POM121: variants seen among roughly 807,000 people sequenced by gnomAD.
POM121 encodes the protein POM121 transmembrane nucleoporin, also known as nuclear envelope pore membrane protein POM 121.
A neutral mutation model predicts 81.3 loss-of-function variants in POM121; 32 were observed. That is an observed-to-expected ratio of 0.39 (90% CI 0.30 to 0.53). The LOEUF is 0.53. Ranked by LOEUF, POM121 falls within the 20% of genes least tolerant of loss-of-function variation. The pLI is 0.66. For missense variants in POM121, 1,138 were observed against 1,614.6 expected, an observed-to-expected ratio of 0.70 and a Z score of 5.06; for synonymous variants, 514 against 694.2, an observed-to-expected ratio of 0.74 and a Z score of 4.08.
intron 6 of POM121, among the ~76,000 whole-genome samples, 166 bp from the exon 7 acceptor site, chr7:72,939,170 A>C (rs1796817430): frequency 6.6e-6 from 1 of 152,146 alleles, no homozygotes; most frequent in Non-Finnish European, 1.5e-5. Context: ...GCCTCCCTTC[A>C]TTCTGTTGGA....
intron 4 of POM121, among the ~76,000 whole-genome samples, chr7:72,928,853 A>C (rs1304036172): frequency 9.2e-5 from 14 of 152,378 alleles, no homozygotes; most frequent in Middle Eastern, 3.4e-3. Context: ...GCTCAAAAGT[A>C]TGTGTGGAAA....
chr7:72,949,681 A>C, downstream of POM121: 2 of 677,342 alleles, frequency 3.0e-6, no homozygotes, highest in South Asian at 3.4e-5. Flanking sequence ...TAAGGGATCC[A>C]CATCTCACAC....
chr7:72,917,246 C>T (rs2129576800), intron 4 of POM121, among the ~76,000 whole-genome samples: 1 of 152,280 alleles, frequency 6.6e-6, no homozygotes, highest in South Asian at 2.1e-4. Context: ...ATAGAGATTT[C>T]CTTGAATACT....
intron 3 of POM121, among the ~76,000 whole-genome samples, chr7:72,898,309 G>T (rs1318279322): frequency 6.6e-6 from 1 of 152,124 alleles, no homozygotes; most frequent in East Asian, 1.9e-4. Flanking sequence ...GCCCAGGCTG[G>T]TCTCAAACTC....
chr7:72,898,908 C>A (rs1323263912), intron 3 of POM121, among the ~76,000 whole-genome samples: 1 of 148,362 alleles, frequency 6.7e-6, no homozygotes, highest in Non-Finnish European at 1.5e-5. Context: ...CTCCGACTGG[C>A]GAGGGTGAGT....
chr7:72,888,246 CAGCTT>C (rs782208835), intron 1 of POM121, among the ~76,000 whole-genome samples: 3 of 152,144 alleles, frequency 2.0e-5, no homozygotes, highest in Non-Finnish European at 4.4e-5. Flanking sequence ...ACTGTAGTGT[CAGCTT>C]ATCTAGTTCC....
intron 3 of POM121, among the ~76,000 whole-genome samples, chr7:72,910,185 C>A (rs190263725): frequency 6.6e-6 from 1 of 152,118 alleles, no homozygotes; most frequent in African/African-American, 2.4e-5. Flanking sequence ...ATTTTCAATG[C>A]GAAAATAAAA....
At chr7:72,938,137 A>T (rs1796692728) in intron 5 of POM121, among the ~76,000 whole-genome samples, 1 of 152,012 alleles carries the variant, frequency 6.6e-6, no homozygotes, top group Non-Finnish European at 1.5e-5. Flanking sequence ...TTACTTTTAT[A>T]GACTTTTCTT....
chr7:72,892,036 C>T (rs539389752), intron 3 of POM121, among the ~76,000 whole-genome samples: 1 of 152,294 alleles, frequency 6.6e-6, no homozygotes, highest in South Asian at 2.1e-4. Flanking sequence ...GTTCATTTCC[C>T]CTTCCCCATA....
chr7:72,924,968 G>C (rs2129577646), upstream of POM121: 2 of 1,264,552 alleles, frequency 1.6e-6, no homozygotes, highest in African/African-American at 1.6e-5. Context: ...GTTAAAGGCA[G>C]GCGGCATTTT....
Position 72,879,521 on chromosome 7 carries a change from G to A in POM121, c.-885G>A, listed in dbSNP as rs1302624579. On this transcript the variant is annotated 5_prime_UTR_variant, in exon 1 of 16. Coordinates refer to the POM121 transcript ENST00000395270. ...GCGGCCCAGGGTTCGCGCGGGCCGG[G>A]TAGAGGCTCGAGCCGGGACCCCCGA... 2.7e-5 allele frequency: 7 copies of A among 258,250 alleles called. No individual in the cohort carries two copies. In the Admixed American group the frequency reaches 4.3e-4, roughly 16 times the overall value. The allele number at this position is 258,250 out of a possible 1,614,324, so 16.0% of individuals were successfully genotyped here. A position where few individuals can be genotyped will look rare whatever the true frequency, so the allele number is the denominator to read the frequency against.
At chr7:72,903,101 A>G (rs1473114293) in intron 3 of POM121, among the ~76,000 whole-genome samples, 3 of 152,060 alleles carry the variant, frequency 2.0e-5, no homozygotes, top group Non-Finnish European at 4.4e-5. Flanking sequence ...ATTCACATCT[A>G]TAATACCTTT....
At chr7:72,881,066 C>CTT (rs3973810) in intron 1 of POM121, among the ~76,000 whole-genome samples, 117 of 47,198 alleles carry the variant, frequency 2.5e-3, no homozygotes, top group Middle Eastern at 0.016. Flanking sequence ...CCCTATCACT[C>CTT]TTTTTTTTTT....
At chr7:72,906,754 C>G (rs1440619731) in intron 3 of POM121, among the ~76,000 whole-genome samples, 1 of 151,912 alleles carries the variant, frequency 6.6e-6, no homozygotes, top group African/African-American at 2.4e-5. Flanking sequence ...TCCCGAGTAG[C>G]TGGGACTATA....
downstream of POM121, chr7:72,950,108 G>C (rs782549833): frequency 3.8e-6 from 6 of 1,595,768 alleles, no homozygotes; most frequent in Non-Finnish European, 5.1e-6. Flanking sequence ...TGTTCATGCA[G>C]ATCTGTCTGG....
chr7:72,912,167 A>G (rs1168513151), intron 3 of POM121, among the ~76,000 whole-genome samples: 1 of 152,220 alleles, frequency 6.6e-6, no homozygotes, highest in African/African-American at 2.4e-5. Flanking sequence ...TGCTGGGAGT[A>G]CAGGCATGAG....
At chr7:72,945,029 TG>T (rs562825924) in intron 11 of POM121, among the ~76,000 whole-genome samples, 191 of 151,740 alleles carry the variant, frequency 1.3e-3, no homozygotes, top group African/African-American at 4.4e-3. Flanking sequence ...GGAAGCAGCG[TG>T]GGAGCACAGG....
At chr7:72,884,848 A>G (rs1177775843) in intron 1 of POM121, among the ~76,000 whole-genome samples, 19 of 152,036 alleles carry the variant, frequency 1.2e-4, no homozygotes, top group African/African-American at 4.6e-4. Flanking sequence ...ATTGTAGCTC[A>G]TAAAATCAAG....
intron 4 of POM121, among the ~76,000 whole-genome samples, chr7:72,917,911 A>G (rs1554495353): frequency 1.3e-5 from 2 of 152,218 alleles, no homozygotes; most frequent in African/African-American, 4.8e-5. Flanking sequence ...AATGATAGGT[A>G]AGGTCACGTG....
Sources: gnomAD v4.1 joint callset for allele counts (sites outside exome capture counted in the v4.1 genomes callset) on GRCh38, gnomAD v4.1.1 for gene constraint, MANE v1.5 for transcripts, NCBI Gene and HGNC (gene_info 2026-07-23, HGNC 2026-07-21) for gene names.